The following CNBD2 variants were observed in gnomAD, a reference collection of about 807,000 sequenced individuals.
CNBD2 encodes cyclic nucleotide binding domain containing 2.
Under a neutral mutation model 63.7 loss-of-function variants are expected in CNBD2, and 64 were observed. That is an observed-to-expected ratio of 1.00 (90% confidence interval 0.82 to 1.24). The LOEUF is 1.24. CNBD2 is among the 50% of genes most tolerant of loss of function. The pLI is 0.00. For missense variants in CNBD2, 691 were observed against 713.5 expected, an observed-to-expected ratio of 0.97 and a Z score of 0.36; for synonymous variants, 229 against 255.4, an observed-to-expected ratio of 0.90 and a Z score of 0.99.
chr20:35,958,515 C>T (rs568183068), downstream of CNBD2, among the ~76,000 whole-genome samples: 2 of 152,146 alleles, frequency 1.3e-5, no homozygotes, highest in Non-Finnish European at 2.9e-5. Context: ...TTTCATGTAC[C>T]CTTCAGTCAG....
At chr20:35,971,911 G>A (rs989289402) in intron 1 of CNBD2, among the ~76,000 whole-genome samples, 1 of 152,020 alleles carries the variant, frequency 6.6e-6, no homozygotes, top group Non-Finnish European at 1.5e-5. Context: ...CCTATCTTCT[G>A]TATTCACTTG....
intron 10 of CNBD2, among the ~76,000 whole-genome samples, chr20:36,017,022 G>A (rs527860023): frequency 2.7e-5 from 4 of 146,182 alleles, no homozygotes; most frequent in African/African-American, 1.0e-4. Context: ...TTGTGTTACT[G>A]TACTTCAATC....
At chr20:36,017,242 C>T (rs535726411) in intron 10 of CNBD2, among the ~76,000 whole-genome samples, 89 of 152,102 alleles carry the variant, frequency 5.9e-4, no homozygotes, top group African/African-American at 1.9e-3. Context: ...AATGGGCCTT[C>T]GGCCTCCCTG....
chr20:35,977,901 CAT>C (rs1402371696), intron 3 of CNBD2, among the ~76,000 whole-genome samples: 2 of 152,218 alleles, frequency 1.3e-5, no homozygotes, highest in African/African-American at 2.4e-5. Context: ...AGTACACACA[CAT>C]GTATAGTTAT....
At chr20:35,968,987 C>T (rs2056374917) in intron 1 of CNBD2, among the ~76,000 whole-genome samples, 174 bp downstream of exon 1, 1 of 152,114 alleles carries the variant, frequency 6.6e-6, no homozygotes, top group Non-Finnish European at 1.5e-5. Flanking sequence ...CCTACCAGCC[C>T]CCCACACTGG....
chr20:35,954,504 T>G (rs1432149064), upstream of CNBD2: 3 of 1,537,012 alleles, frequency 2.0e-6, no homozygotes, highest in South Asian at 3.6e-5. Context: ...CTTCTCTGCG[T>G]CCAGGTCGGC....
intron 7 of CNBD2, among the ~76,000 whole-genome samples, chr20:35,989,734 T>C (rs184814702): frequency 1.3e-5 from 2 of 152,184 alleles, no homozygotes; most frequent in Non-Finnish European, 2.9e-5. Flanking sequence ...GAGCTGGGCA[T>C]GGTGGCTGAT....
intron 2 of CNBD2, among the ~76,000 whole-genome samples, chr20:35,962,665 G>A (rs1212012683): frequency 6.6e-6 from 1 of 152,144 alleles, no homozygotes; most frequent in African/African-American, 2.4e-5. Flanking sequence ...AGAAGATCCT[G>A]TGATTATTCT....
intron 8 of CNBD2, among the ~76,000 whole-genome samples, chr20:36,000,901 G>T (rs866869413): frequency 6.6e-6 from 1 of 151,562 alleles, no homozygotes; most frequent in African/African-American, 2.4e-5. Flanking sequence ...GCGGCCTTCC[G>T]CAGTGTTTGT....
chr20:36,005,893 G>A (rs2056977390), intron 8 of CNBD2, among the ~76,000 whole-genome samples: 1 of 151,928 alleles, frequency 6.6e-6, no homozygotes, highest in African/African-American at 2.4e-5. Flanking sequence ...GGAGCTTGCA[G>A]TGAGCCGAGA....
chr20:35,984,503 G>A (rs1272330059), intron 5 of CNBD2, 124 bp from the exon 6 acceptor site: 1 of 1,010,970 alleles, frequency 9.9e-7, no homozygotes, highest in African/African-American at 1.6e-5. Context: ...GAGGAGGCTA[G>A]GGAACACACA....
intron 3 of CNBD2, among the ~76,000 whole-genome samples, chr20:35,977,854 G>A (rs1243366862): frequency 1.3e-5 from 2 of 152,234 alleles, no homozygotes; most frequent in Non-Finnish European, 2.9e-5. Flanking sequence ...TCCAGGGCAT[G>A]TGAATTATAT....
chr20:36,006,249 C>G (rs895215174), intron 8 of CNBD2, among the ~76,000 whole-genome samples: 2 of 151,894 alleles, frequency 1.3e-5, no homozygotes, highest in Admixed American at 6.6e-5. Context: ...AGGCTGGTCT[C>G]GAACTCCTGA....
chr20:36,011,311 G>A (rs2057057939), intron 10 of CNBD2, 54 bp downstream of exon 10: 1 of 1,424,996 alleles, frequency 7.0e-7, no homozygotes, highest in Non-Finnish European at 9.3e-7. Context: ...GAATGGGCTG[G>A]AATGTTAAGT....
chr20:36,027,697 A>G (rs144433955), intron 11 of CNBD2, among the ~76,000 whole-genome samples: 118 of 149,354 alleles, frequency 7.9e-4, no homozygotes, highest in African/African-American at 2.8e-3. Context: ...TTTTTTTTAG[A>G]CAGAGTCTTG....
At chr20:36,010,206 A>C (rs1382775866) in intron 9 of CNBD2, among the ~76,000 whole-genome samples, 1 of 152,060 alleles carries the variant, frequency 6.6e-6, no homozygotes, top group East Asian at 1.9e-4. Flanking sequence ...GCTACTTTTG[A>C]AATTGAAGTG....
chr20:35,978,699 C>G (rs557815774), intron 3 of CNBD2, among the ~76,000 whole-genome samples: 1 of 152,088 alleles, frequency 6.6e-6, no homozygotes, highest in African/African-American at 2.4e-5. Flanking sequence ...GCCATATTGC[C>G]CAGGCTGGTT....
At chr20:36,011,932 C>G (rs775646396) in intron 10 of CNBD2, among the ~76,000 whole-genome samples, 16 of 151,978 alleles carry the variant, frequency 1.1e-4, no homozygotes, top group Non-Finnish European at 2.2e-4. Context: ...CTGAAGCGGG[C>G]GAATCACTTG....
At chr20:36,000,954 C>G (rs943784397) in intron 8 of CNBD2, among the ~76,000 whole-genome samples, 40 of 147,556 alleles carry the variant, frequency 2.7e-4, no homozygotes, top group African/African-American at 8.5e-4. Flanking sequence ...TGACTCTTAA[C>G]GAGCATGCTG....
Sources: gnomAD v4.1 joint callset for allele counts (sites outside exome capture counted in the v4.1 genomes callset) on GRCh38, gnomAD v4.1.1 for gene constraint, MANE v1.5 for transcripts, NCBI Gene and HGNC (gene_info 2026-07-23, HGNC 2026-07-21) for gene names.